The following SEMA3A variants were observed in gnomAD, a reference collection of about 807,000 sequenced individuals.
SEMA3A encodes the protein semaphorin 3A, also known as semaphorin-3A.
Under a neutral mutation model 97.9 loss-of-function variants are expected in SEMA3A, and 29 were observed. That is an observed-to-expected ratio of 0.30 (90% CI 0.22 to 0.40). The LOEUF (loss-of-function observed/expected upper bound fraction) is 0.40. SEMA3A is among the 10% of genes least tolerant of loss of function. The pLI is 1.00. For synonymous variants in SEMA3A, 321 were observed against 323.7 expected, an observed-to-expected ratio of 0.99 and a Z score of 0.09; for missense variants, 763 against 951.3, an observed-to-expected ratio of 0.80 and a Z score of 2.60.
At chr7:84,423,833 G>C (rs1804668359) in intron 1 of SEMA3A, among the ~76,000 whole-genome samples, 1 of 151,818 alleles carries the variant, frequency 6.6e-6, no homozygotes, top group African/African-American at 2.4e-5. Context: ...TCATCAAAAA[G>C]TGGGCAAATG....
chr7:84,141,760 C>T (rs558292644), intron 1 of SEMA3A, among the ~76,000 whole-genome samples: 13 of 152,192 alleles, frequency 8.5e-5, no homozygotes, highest in African/African-American at 2.4e-4. Flanking sequence ...TCATTTAGCT[C>T]GCACTTATAA....
chr7:84,452,609 T>C (rs1432656395), intron 1 of SEMA3A, among the ~76,000 whole-genome samples: 2 of 152,206 alleles, frequency 1.3e-5, no homozygotes, highest in East Asian at 3.8e-4. Flanking sequence ...AATACTGTTA[T>C]GTTACTATGT....
At chr7:84,087,278 A>G (rs1033272225) in intron 4 of SEMA3A, among the ~76,000 whole-genome samples, 3 of 152,120 alleles carry the variant, frequency 2.0e-5, no homozygotes, top group African/African-American at 7.2e-5. Flanking sequence ...TTAACATTTT[A>G]ATTCTCATTT....
chr7:84,190,635 T>C (rs961389714), intron 1 of SEMA3A, among the ~76,000 whole-genome samples: 3 of 150,258 alleles, frequency 2.0e-5, no homozygotes, highest in African/African-American at 2.4e-5. Flanking sequence ...TCTTATACTA[T>C]TATGTGAATG....
intron 3 of SEMA3A, among the ~76,000 whole-genome samples, chr7:84,123,616 C>T (rs1163093937): frequency 6.7e-6 from 1 of 149,840 alleles, no homozygotes; most frequent in Non-Finnish European, 1.5e-5. Flanking sequence ...CATGCGCAGG[C>T]ACACACACAC....
At chr7:84,268,504 C>T (rs1251716947) in intron 3 of SEMA3A, among the ~76,000 whole-genome samples, 1 of 151,912 alleles carries the variant, frequency 6.6e-6, no homozygotes, top group Non-Finnish European at 1.5e-5. Context: ...TTCAGTAGAG[C>T]CTAAAGCAAA....
At chr7:84,433,031 C>T (rs1449926969) in intron 1 of SEMA3A, among the ~76,000 whole-genome samples, 1 of 151,642 alleles carries the variant, frequency 6.6e-6, no homozygotes, top group African/African-American at 2.4e-5. Context: ...TAATGGTTTC[C>T]TTCCTCTCCA....
intron 1 of SEMA3A, among the ~76,000 whole-genome samples, chr7:84,178,291 TG>T (rs1379566971): frequency 1.3e-5 from 2 of 152,090 alleles, no homozygotes; most frequent in Non-Finnish European, 2.9e-5. Context: ...TCGCTTGACC[TG>T]GTACTTCATA....
At chr7:84,030,304 G>A (rs1345299698) in intron 6 of SEMA3A, among the ~76,000 whole-genome samples, 1 of 152,036 alleles carries the variant, frequency 6.6e-6, no homozygotes, top group African/African-American at 2.4e-5. Flanking sequence ...AAGAAACATG[G>A]TATTTCCTAA....
intron 1 of SEMA3A, 92 bp downstream of exon 1, chr7:84,194,383 T>A: frequency 1.3e-6 from 1 of 786,322 alleles, no homozygotes. Flanking sequence ...AAACTAAAGG[T>A]TTGATGATTT....
At chr7:84,094,961 T>C (rs1345000688) in intron 4 of SEMA3A, among the ~76,000 whole-genome samples, 2 of 151,622 alleles carry the variant, frequency 1.3e-5, no homozygotes, top group African/African-American at 4.8e-5. Context: ...CTAACATTAA[T>C]TATATTGTTT....
chr7:84,101,063 G>A (rs1257134905), intron 4 of SEMA3A, among the ~76,000 whole-genome samples: 1 of 152,122 alleles, frequency 6.6e-6, no homozygotes, highest in East Asian at 1.9e-4. Context: ...TGACTAATCA[G>A]ACTGCTTCCC....
At chr7:84,473,560 TGTATTTTTA>T (rs1273425565) in intron 1 of SEMA3A, among the ~76,000 whole-genome samples, 2 of 151,970 alleles carry the variant, frequency 1.3e-5, no homozygotes, top group Admixed American at 6.6e-5. Context: ...GGCTAATTTT[TGTATTTTTA>T]GTAGAGACAG....
At position 84,275,972 on chromosome 7, in the gene SEMA3A, G is replaced by A. The variant is rs563312126; in HGVS notation, c.-83+31235C>T. ...GGCTCATATTACATTTTTATCGGAC[G>A]TTGCTGCTTAAAATTACAAAATATT... On this transcript the variant is annotated intron_variant, in intron 3 of 3. Transcript: ENST00000424555. Among the ~76,000 whole-genome samples, 11 of 151,984 alleles carry A rather than the reference G, an allele frequency of 7.2e-5. No individual in the cohort carries two copies. In the East Asian group the frequency reaches 1.7e-3, roughly 24 times the overall value.
At chr7:84,384,126 T>C (rs1803340354) in intron 1 of SEMA3A, among the ~76,000 whole-genome samples, 1 of 152,220 alleles carries the variant, frequency 6.6e-6, no homozygotes, top group Admixed American at 6.5e-5. Context: ...AACTCATTGG[T>C]TCCTTGTTCC....
At chr7:84,182,895 C>T (rs1042014887) in intron 1 of SEMA3A, among the ~76,000 whole-genome samples, 5 of 152,046 alleles carry the variant, frequency 3.3e-5, no homozygotes, top group East Asian at 1.9e-4. Flanking sequence ...CATGCTATTA[C>T]GCTACATTTC....
rs1181159553 is a variant in SEMA3A, at chr7:84,203,523, TA to T, written c.-82-8856del. On this transcript the variant is annotated intron_variant, in intron 3 of 3. Coordinates refer to the SEMA3A transcript ENST00000424555. ...GTGTGTATATATATATATATATATA[TA>T]TATTTTTTTTTTTTTTTTTTTTCTG... Among the ~76,000 whole-genome samples, 546 of 70,838 alleles carry T rather than the reference TA, an allele frequency of 7.7e-3. 2 individuals are homozygous for T. The highest frequency in any genetic ancestry group is 0.012 in the African/African-American group (205 of 17,146). The allele number at this position is 70,838 out of a possible 152,430, so 46.5% of individuals were successfully genotyped here. A position where few individuals can be genotyped will look rare whatever the true frequency, so the allele number is the denominator to read the frequency against.
chr7:83,967,785 A>T (rs780877307), intron 15 of SEMA3A, among the ~76,000 whole-genome samples: 1 of 152,140 alleles, frequency 6.6e-6, no homozygotes, highest in African/African-American at 2.4e-5. Context: ...TATCAATTTT[A>T]AAAATTTTGT....
intron 1 of SEMA3A, among the ~76,000 whole-genome samples, chr7:84,375,590 G>A (rs1803078529): frequency 6.6e-6 from 1 of 151,448 alleles, no homozygotes; most frequent in Admixed American, 6.6e-5. Context: ...TTATTTTTGG[G>A]GTACTGTATG....
Sources: allele counts gnomAD v4.1 joint callset (sites outside exome capture counted in the v4.1 genomes callset), GRCh38; gene constraint gnomAD v4.1.1; transcripts MANE v1.5; gene names NCBI Gene and HGNC (gene_info 2026-07-23, HGNC 2026-07-21).